C1orf94: variants seen among roughly 807,000 people sequenced by gnomAD.
The protein encoded by C1orf94 is uncharacterized protein C1orf94.
A neutral mutation model predicts 53.6 loss-of-function variants in C1orf94; 45 were observed. The ratio of observed to expected loss-of-function variants is 0.84; its 90% confidence interval spans 0.66 to 1.08. The LOEUF (loss-of-function observed/expected upper bound fraction) is 1.08. Among genes scored for constraint, C1orf94 ranks in the 50% least tolerant of loss-of-function variants. The pLI, the probability that C1orf94 is intolerant of heterozygous loss-of-function variation, is 0.00. For synonymous variants in C1orf94, 304 were observed against 296.1 expected (o/e 1.03, Z -0.27); for missense variants, 762 against 738.9 (o/e 1.03, Z -0.36).
intron 1 of C1orf94, among the ~76,000 whole-genome samples, chr1:34,191,888 T>G (rs1424070352): frequency 1.3e-5 from 2 of 152,168 alleles, no homozygotes; most frequent in Non-Finnish European, 2.9e-5. Context: ...TTTGTATGAC[T>G]CTGTATACCA....
intron 6 of C1orf94, among the ~76,000 whole-genome samples, chr1:34,213,448 A>G (rs990810470): frequency 2.6e-5 from 4 of 152,248 alleles, no homozygotes; most frequent in African/African-American, 9.6e-5. Flanking sequence ...TTCTCAGATC[A>G]TTTAATTTCC....
At chr1:34,202,709 TG>T (rs1322933566) in intron 4 of C1orf94, among the ~76,000 whole-genome samples, 5 of 152,198 alleles carry the variant, frequency 3.3e-5, no homozygotes, top group Admixed American at 6.5e-5. Flanking sequence ...CCAGATTATT[TG>T]GGACAGTCCC....
At chr1:34,187,769 A>T (rs995628897) in intron 1 of C1orf94, among the ~76,000 whole-genome samples, 2 of 42,054 alleles carry the variant, frequency 4.8e-5, no homozygotes, top group African/African-American at 2.1e-4. Flanking sequence ...GAATCCACCC[A>T]CCCCCCCCCC....
upstream of C1orf94, among the ~76,000 whole-genome samples, chr1:34,174,306 T>C (rs297784): frequency 0.99 from 151,309 of 152,380 alleles, 75,123 homozygotes; most frequent in Middle Eastern, 1. Context: ...CGTTTATCTG[T>C]CAGTTGTTGT....
At chr1:34,201,947 C>A in intron 3 of C1orf94, 137 bp from the exon 4 acceptor site, 7 of 779,976 alleles carry the variant, frequency 9.0e-6, no homozygotes, top group Non-Finnish European at 1.4e-5. Flanking sequence ...TGTACTAGAA[C>A]TTTGAAGAAC....
At chr1:34,200,591 G>T (rs926876080) in intron 2 of C1orf94, among the ~76,000 whole-genome samples, 181 bp from the exon 3 acceptor site, 1 of 152,126 alleles carries the variant, frequency 6.6e-6, no homozygotes. Context: ...CGGGGGGCAG[G>T]GGCCAGGGAG....
At chr1:34,201,779 AT>A (rs2148619272) in intron 3 of C1orf94, among the ~76,000 whole-genome samples, 2 of 152,306 alleles carry the variant, frequency 1.3e-5, no homozygotes, top group South Asian at 4.1e-4. Context: ...AGTAGGTGAA[AT>A]ATAGGCCTAG....
chr1:34,178,320 A>C (rs1181581309), intron 1 of C1orf94, among the ~76,000 whole-genome samples: 5 of 152,202 alleles, frequency 3.3e-5, no homozygotes, highest in African/African-American at 1.2e-4. Context: ...GCTATATTCC[A>C]GGCTGCCTCT....
chr1:34,193,171 G>T (rs1022590389), intron 1 of C1orf94, among the ~76,000 whole-genome samples: 1 of 152,160 alleles, frequency 6.6e-6, no homozygotes, highest in East Asian at 1.9e-4. Context: ...TTTGATAAAG[G>T]CTCTTGGGAG....
chr1:34,172,954 G>T (rs1199347642), upstream of C1orf94, among the ~76,000 whole-genome samples: 1 of 152,212 alleles, frequency 6.6e-6, no homozygotes, highest in Non-Finnish European at 1.5e-5. Flanking sequence ...GGGAATGGGG[G>T]TCCCTCTGGG....
At chr1:34,196,705 A>G (rs1771361) in intron 1 of C1orf94, among the ~76,000 whole-genome samples, 53,497 of 151,990 alleles carry the variant, frequency 0.35, 11,550 homozygotes, top group African/African-American at 0.61. Flanking sequence ...AGTTGACTGG[A>G]TCAGGGTGTA....
At chr1:34,198,035 T>C in intron 2 of C1orf94, 122 bp downstream of exon 2, 1 of 1,088,730 alleles carries the variant, frequency 9.2e-7, no homozygotes, top group Non-Finnish European at 1.3e-6. Flanking sequence ...AAGCAGCCTC[T>C]CTGGTGGGCA....
At chr1:34,213,565 A>C (rs1385137818) in intron 6 of C1orf94, among the ~76,000 whole-genome samples, 1 of 151,770 alleles carries the variant, frequency 6.6e-6, no homozygotes, top group Non-Finnish European at 1.5e-5. Context: ...TTTGAGATGG[A>C]GTTTCACCCT....
Position 34,177,588 on chromosome 1 carries a change from G to A in C1orf94, c.-202G>A. 1 of 532,322 alleles carries A rather than the reference G, an allele frequency of 1.9e-6. No homozygotes were observed. The highest frequency in any genetic ancestry group is 3.1e-5 in the Admixed American group (1 of 32,234). The allele number at this position is 532,322 out of a possible 1,614,324, so 33.0% of individuals were successfully genotyped here. ...CTTTTAAATATTTTCTTCTAAGGGA[G>A]AGGGGGAGGGAGGCAAAAGTCAGGA... On this transcript the variant is annotated 5_prime_UTR_variant, in exon 1 of 7. Transcript: ENST00000488417.
At chr1:34,204,319 C>G (rs1352617037) in intron 4 of C1orf94, among the ~76,000 whole-genome samples, 1 of 152,148 alleles carries the variant, frequency 6.6e-6, no homozygotes, top group Non-Finnish European at 1.5e-5. Flanking sequence ...GTTTTGTTTT[C>G]AAGCTTTTTG....
chr1:34,196,891 T>C (rs1025619863), intron 1 of C1orf94, among the ~76,000 whole-genome samples: 2 of 152,198 alleles, frequency 1.3e-5, no homozygotes, highest in African/African-American at 4.8e-5. Context: ...TCTCTGGTCT[T>C]TCATTGCTTC....
intron 1 of C1orf94, among the ~76,000 whole-genome samples, chr1:34,181,824 G>T (rs1642315503): frequency 6.6e-6 from 1 of 152,222 alleles, no homozygotes; most frequent in African/African-American, 2.4e-5. Context: ...CTGAGGAGAT[G>T]TGATTATCTG....
intron 4 of C1orf94, among the ~76,000 whole-genome samples, chr1:34,205,445 A>C (rs1474933168): frequency 6.6e-6 from 1 of 152,204 alleles, no homozygotes; most frequent in Non-Finnish European, 1.5e-5. Context: ...CTTGACTTTA[A>C]AGGTTCTGCT....
upstream of C1orf94, among the ~76,000 whole-genome samples, chr1:34,172,245 G>A (rs573091901): frequency 6.6e-6 from 1 of 152,284 alleles, no homozygotes; most frequent in East Asian, 1.9e-4. Flanking sequence ...GACCACTACT[G>A]CCACCACCAT....
Sources: gnomAD v4.1 joint callset for allele counts (sites outside exome capture counted in the v4.1 genomes callset) on GRCh38, gnomAD v4.1.1 for gene constraint, MANE v1.5 for transcripts, NCBI Gene and HGNC (gene_info 2026-07-23, HGNC 2026-07-21) for gene names.